The following CUBN variants were observed in gnomAD, a reference collection of about 807,000 sequenced individuals.
CUBN encodes the protein cubilin.
CUBN carries 282 observed loss-of-function variants against 405.3 expected under a neutral mutation model. The ratio of observed to expected loss-of-function variants is 0.70; its 90% confidence interval spans 0.63 to 0.77. CUBN has a LOEUF of 0.77. Ranked by LOEUF, CUBN falls within the 30% of genes least tolerant of loss-of-function variation. The probability of loss-of-function intolerance (pLI) is 0.00; values close to 1 mark genes in which losing one functional copy is unlikely to be tolerated. For synonymous variants in CUBN, 1,684 were observed against 1,617.0 expected (o/e 1.04, Z -0.99); for missense variants, 4,514 against 4,475.2 (o/e 1.01, Z -0.25).
intron 64 of CUBN, among the ~76,000 whole-genome samples, chr10:16,834,474 G>A (rs530022531): frequency 6.6e-6 from 1 of 152,272 alleles, no homozygotes; most frequent in African/African-American, 2.4e-5. Context: ...TGGAGTTGTG[G>A]TGAAGAAAGG....
chr10:16,844,931 C>T (rs1256885275), intron 60 of CUBN, among the ~76,000 whole-genome samples: 1 of 152,242 alleles, frequency 6.6e-6, no homozygotes, highest in African/African-American at 2.4e-5. Flanking sequence ...TGGGAGCAAA[C>T]ATTTCCTGGC....
At chr10:17,079,971 T>G (rs1292800443) in intron 17 of CUBN, among the ~76,000 whole-genome samples, 4 of 152,134 alleles carry the variant, frequency 2.6e-5, no homozygotes, top group Non-Finnish European at 1.5e-5. Context: ...GAGGGAAGGA[T>G]GCAGGGGAAG....
At chr10:16,932,196 C>T (rs928635715) in intron 40 of CUBN, among the ~76,000 whole-genome samples, 6 of 152,142 alleles carry the variant, frequency 3.9e-5, no homozygotes, top group African/African-American at 9.7e-5. Context: ...CTTCACCATT[C>T]GATTTTTCTC....
Position 17,088,145 on chromosome 10 carries a change from T to C in CUBN, c.1947+19A>G, listed in dbSNP as rs745782852. The C allele has an allele frequency of 1.1e-5, 17 of 1,593,522 alleles. No individual in the cohort carries two copies. In the Admixed American group the frequency reaches 2.3e-4, roughly 22 times the overall value. On this transcript the variant is annotated intron_variant, in intron 15 of 66. Coordinates refer to ENST00000377833, the MANE Select transcript of CUBN (RefSeq NM_001081.4). ...CCTAATCATATTGTGATATGTTCTA[T>C]CTAAATATAATTATTTACCTCAAGG...
At chr10:17,047,831 C>G (rs970676000) in intron 22 of CUBN, among the ~76,000 whole-genome samples, 3 of 152,134 alleles carry the variant, frequency 2.0e-5, no homozygotes, top group Non-Finnish European at 4.4e-5. Flanking sequence ...TTATATATAT[C>G]TTGAGTAAAC....
chr10:17,082,410 A>G (rs1907367), intron 17 of CUBN, among the ~76,000 whole-genome samples: 152,301 of 152,318 alleles, frequency 1, 76,142 homozygotes, highest in Non-Finnish European at 1. Flanking sequence ...TTTTTTGTGC[A>G]AACTTTTCAG....
At chr10:16,865,153 A>G (rs1050229992) in intron 59 of CUBN, among the ~76,000 whole-genome samples, 2 of 151,332 alleles carry the variant, frequency 1.3e-5, no homozygotes, top group Non-Finnish European at 1.5e-5. Context: ...TATTTTTAGT[A>G]GAGACGGGGT....
At chr10:17,065,138 C>G (rs958223207) in intron 22 of CUBN, among the ~76,000 whole-genome samples, 3 of 139,800 alleles carry the variant, frequency 2.1e-5, no homozygotes, top group Middle Eastern at 3.3e-3. Flanking sequence ...CTCCCCCCCC[C>G]CCCACACACA....
At chr10:17,078,958 A>G (rs951546521) in intron 17 of CUBN, among the ~76,000 whole-genome samples, 3 of 151,978 alleles carry the variant, frequency 2.0e-5, no homozygotes, top group Non-Finnish European at 2.9e-5. Context: ...TGAGCATGCA[A>G]CTCCTTCAAA....
chr10:17,043,895 C>T lies in CUBN; in HGVS notation c.3761G>A (p.Ser1254Asn). 1 of 1,613,616 alleles carries T rather than the reference C, an allele frequency of 6.2e-7. No homozygotes were observed. The highest frequency in any genetic ancestry group is 8.5e-7 in the Non-Finnish European group (1 of 1,179,736). Residue 1254 changes from serine to asparagine, a missense_variant, in exon 26 of 67, where the codon AGC becomes AAC. Physicochemically the swap from Ser to Asn is conservative, Grantham distance 46. Coordinates refer to ENST00000377833, the MANE Select transcript of CUBN (RefSeq NM_001081.4). ...KPPLIRSSGD[S>N]MFIKLRTDEG... ...ATCTGTCCTCAGTTTTATAAACATG[C>T]TGTCTCCACTAGAACGAATAAGAGG... is the stretch of plus-strand genomic sequence containing the variant.
At chr10:16,875,804 A>C (rs1431332400) in intron 57 of CUBN, among the ~76,000 whole-genome samples, 1 of 152,234 alleles carries the variant, frequency 6.6e-6, no homozygotes, top group Admixed American at 6.5e-5. Context: ...TCCTTGTAGG[A>C]AAATGAGAGA....
At chr10:16,925,855 G>T (rs1404354217) in intron 41 of CUBN, 81 bp from the exon 42 acceptor site, 1 of 1,263,882 alleles carries the variant, frequency 7.9e-7, no homozygotes, top group Non-Finnish European at 1.2e-6. Context: ...TTCTTGGGGG[G>T]TTTTCAAAGT....
chr10:16,825,042 A>C lies in CUBN; in HGVS notation c.10805T>G (p.Val3602Gly). Reference sequence around the variant, plus strand: ...ATAATCAGCATGAAATTTTATGAAGACCTGATTTGAGGAAGCCACGAAGGG... The same window carrying C: ...ATAATCAGCATGAAATTTTATGAAGCCCTGATTTGAGGAAGCCACGAAGGG... Reference protein sequence around the residue: ...IAPFVASSNQVFIKFHADYAR... With the variant: ...IAPFVASSNQGFIKFHADYAR... Residue 3602 changes from valine (V) to glycine (G), a missense_variant, in exon 67 of 67, where the codon GTC (valine) becomes GGC (glycine). By Grantham distance (109) the Val-to-Gly change is moderately radical. This residue lies in a region of CUBN where 1,186 missense variants were observed against 1,186.9 expected (regional missense o/e 1.00). Coordinates refer to ENST00000377833, the MANE Select transcript of CUBN (RefSeq NM_001081.4). 6.2e-7 allele frequency: 1 copy of C among 1,613,872 alleles called. No individual in the cohort carries two copies. Among genetic ancestry groups the C allele is most frequent in the Non-Finnish European group, 8.5e-7 (1 of 1,179,908 alleles).
Position 16,937,761 on chromosome 10 carries a change from G to T in CUBN, c.5757C>A (p.His1919Gln). ...CACAGTAAGCTCCAATTAGGCGGGC[G>T]TGAATGCTAGGCCCATCATAGATCT... ...KLRIYDGPSI[H>Q]ARLIGAYCGT... The change falls in exon 39 of 67, where the codon CAC becomes CAA. Residue 1919 changes from histidine (H) to glutamine (Q), a missense_variant. His to Gln is a conservative substitution (Grantham distance 24, BLOSUM62 0). Coordinates refer to ENST00000377833, the MANE Select transcript of CUBN (RefSeq NM_001081.4). 4 of 1,613,984 alleles carry T rather than the reference G, an allele frequency of 2.5e-6. No homozygotes were observed. The highest frequency in any genetic ancestry group is 3.4e-6 in the Non-Finnish European group (4 of 1,179,942).
intron 27 of CUBN, among the ~76,000 whole-genome samples, chr10:17,035,967 G>A (rs1302770951): frequency 2.0e-5 from 3 of 151,586 alleles, no homozygotes; most frequent in African/African-American, 7.3e-5. Flanking sequence ...ATAAGTTCAG[G>A]GTATGTGTAC....
intron 26 of CUBN, among the ~76,000 whole-genome samples, chr10:17,042,924 T>C (rs928269953): frequency 1.3e-5 from 2 of 152,218 alleles, no homozygotes; most frequent in African/African-American, 4.8e-5. Context: ...TGGGAAAAGA[T>C]AATTGTGTAA....
chr10:16,861,964 C>T (rs753792898), intron 59 of CUBN, among the ~76,000 whole-genome samples: 1 of 152,090 alleles, frequency 6.6e-6, no homozygotes, highest in Non-Finnish European at 1.5e-5. Flanking sequence ...GCCTGACCAA[C>T]ATGGTGAAAG....
At chr10:16,992,728 G>A (rs1309691555) in intron 28 of CUBN, among the ~76,000 whole-genome samples, 1 of 152,148 alleles carries the variant, frequency 6.6e-6, no homozygotes, top group African/African-American at 2.4e-5. Context: ...GAAAACCTCT[G>A]CGTTTTCAGA....
intron 30 of CUBN, 149 bp from the exon 31 acceptor site, chr10:16,982,802 C>A: frequency 1.4e-6 from 1 of 734,058 alleles, no homozygotes; most frequent in Non-Finnish European, 2.4e-6. Context: ...CCACATTAAG[C>A]CATTTATCCC....
Sources: gnomAD v4.1 joint callset for allele counts (sites outside exome capture counted in the v4.1 genomes callset) on GRCh38, gnomAD v4.1.1 for gene constraint, gnomAD v4.1.1 regional missense constraint, MANE v1.5 for transcripts, NCBI Gene and HGNC (gene_info 2026-07-23, HGNC 2026-07-21) for gene names.